TMEM26: variants seen among roughly 807,000 people sequenced by gnomAD.
TMEM26 encodes the protein transmembrane protein 26.
Under a neutral mutation model 28.8 loss-of-function variants are expected in TMEM26, and 38 were observed. The ratio of observed to expected loss-of-function variants is 1.32; its 90% confidence interval spans 1.02 to 1.73. The LOEUF (loss-of-function observed/expected upper bound fraction) is 1.73. Ranked by LOEUF, TMEM26 falls within the 40% of genes most tolerant of loss-of-function variation. The probability of loss-of-function intolerance (pLI) is 0.00; values close to 1 mark genes in which losing one functional copy is unlikely to be tolerated. For missense variants in TMEM26, 518 were observed against 447.1 expected (o/e 1.16, Z -1.43); for synonymous variants, 227 against 182.9 (o/e 1.24, Z -1.95).
Position 61,410,274 on chromosome 10 carries a change from A to C in TMEM26, c.*48T>G. The C allele has an allele frequency of 6.6e-7, 1 of 1,517,092 alleles. No homozygotes were observed. The allele number at this position is 1,517,092 out of a possible 1,614,324, so 94.0% of individuals were successfully genotyped here. ...GGAGAAAAAGGATCCTCCCTGTAAG[A>C]AGAACCAGGGAGTCAGGTTCTAGCC... On this transcript the variant is annotated 3_prime_UTR_variant, in exon 6 of 6. Coordinates refer to ENST00000399298, the MANE Select transcript of TMEM26 (RefSeq NM_178505.8).
In TMEM26 at chr10:61,406,958, C is replaced by G. The variant is rs1197856003; in HGVS notation, c.*3364G>C. The stretch of plus-strand genomic sequence containing the variant: ...ATGTCCTCTAAGTAAAAAGCCAAGT[C>G]TGAAATTAGAAAAAAAAAAAATCCC... On this transcript the variant is annotated 3_prime_UTR_variant, in exon 6 of 6. Transcript: ENST00000399298. 2.6e-5 allele frequency: 4 copies of G among 151,194 alleles called. No individual in the cohort carries two copies. The highest frequency in any genetic ancestry group is 5.9e-5 in the Non-Finnish European group (4 of 67,838). 9.4% of individuals were successfully genotyped at this position (151,194 alleles called of 1,614,324 possible).
In TMEM26 at chr10:61,452,965, A is replaced by G. The variant is rs1452974274; in HGVS notation, c.117T>C (p.Leu39=). 3.1e-6 allele frequency: 5 copies of G among 1,613,922 alleles called. No homozygotes were observed. In the African/African-American group the frequency reaches 6.7e-5, roughly 22 times the overall value. ...EVKKEPRYWL[L]ALLNLLLFLE... is the part of the protein sequence containing the mutation. ...GGAAGAGCAAGAGGTTGAGCAGCGC[A>G]AGCAGCCAGTACCGCGGCTCCTTCT... The change falls in exon 1 of 6, where the codon CTT becomes CTC. Residue 39 remains leucine, a synonymous_variant. Transcript: ENST00000399298.
At chr10:61,433,578 C>T (rs935991800) in intron 2 of TMEM26, among the ~76,000 whole-genome samples, 4 of 152,028 alleles carry the variant, frequency 2.6e-5, no homozygotes, top group African/African-American at 9.7e-5. Context: ...TTGTCATAAA[C>T]GTTTTGTTCC....
intron 4 of TMEM26, chr10:61,414,227 A>T: frequency 4.4e-6 from 1 of 226,304 alleles, no homozygotes; most frequent in Non-Finnish European, 7.4e-6. Context: ...ACCTAGGAAA[A>T]TGGTCATGAA....
At chr10:61,431,384 G>T in intron 2 of TMEM26, 52 bp from the exon 3 acceptor site, 3 of 1,294,016 alleles carry the variant, frequency 2.3e-6, no homozygotes, top group Non-Finnish European at 2.2e-6. Context: ...GCACAATATG[G>T]TAGAGATCAA....
intron 2 of TMEM26, among the ~76,000 whole-genome samples, chr10:61,431,689 A>G (rs1440411565): frequency 1.3e-5 from 2 of 151,858 alleles, no homozygotes; most frequent in Non-Finnish European, 2.9e-5. Flanking sequence ...TCAAACATAT[A>G]TGATCCTGGT....
intron 5 of TMEM26, among the ~76,000 whole-genome samples, chr10:61,411,823 G>A (rs79019488): frequency 1.3e-5 from 2 of 152,124 alleles, no homozygotes; most frequent in East Asian, 1.9e-4. Context: ...GAATGCCTTC[G>A]TCTACTGGAG....
At chr10:61,432,647 T>A (rs560238253) in intron 2 of TMEM26, among the ~76,000 whole-genome samples, 8 of 139,336 alleles carry the variant, frequency 5.7e-5, no homozygotes, top group Non-Finnish European at 1.1e-4. Flanking sequence ...TAGAGAGGAC[T>A]TATTTTTTTA....
intron 4 of TMEM26, among the ~76,000 whole-genome samples, chr10:61,428,287 A>T (rs974339832): frequency 6.6e-6 from 1 of 152,130 alleles, no homozygotes. Flanking sequence ...GTGATCATGG[A>T]TTCTGAGTTT....
chr10:61,429,963 C>T (rs1839894292), intron 3 of TMEM26, among the ~76,000 whole-genome samples: 1 of 152,066 alleles, frequency 6.6e-6, no homozygotes, highest in Non-Finnish European at 1.5e-5. Context: ...TACCCCTCTC[C>T]ATCACTTGCT....
chr10:61,421,488 T>G (rs557780236), intron 4 of TMEM26, among the ~76,000 whole-genome samples: 1 of 152,230 alleles, frequency 6.6e-6, no homozygotes, highest in South Asian at 2.1e-4. Context: ...TCTTGGTAGA[T>G]GTAACCAAGT....
chr10:61,412,869 A>T (rs749900443), intron 5 of TMEM26: 52 of 1,165,840 alleles, frequency 4.5e-5, no homozygotes, highest in Non-Finnish European at 8.0e-6. Flanking sequence ...AATGCCTGGG[A>T]AACAGATTAC....
chr10:61,418,809 T>C (rs1310545864), intron 4 of TMEM26, among the ~76,000 whole-genome samples: 1 of 152,068 alleles, frequency 6.6e-6, no homozygotes, highest in East Asian at 1.9e-4. Context: ...GCTAGATGAG[T>C]ACTCCTGTAG....
chr10:61,444,320 A>G (rs937796184), intron 1 of TMEM26, among the ~76,000 whole-genome samples: 1 of 152,194 alleles, frequency 6.6e-6, no homozygotes, highest in Non-Finnish European at 1.5e-5. Context: ...GCTGCCGACT[A>G]CAGGAACTTT....
At position 61,453,045 on chromosome 10, in the gene TMEM26, G is replaced by C. The variant is rs748762009; in HGVS notation, c.37C>G (p.Arg13Gly). ...AGCGAGTGCAGCAGGAACAGCAACCGAGTGGCCAGGGCGTTAAGGAAGACC... is the reference window on the plus strand; with the variant it reads ...AGCGAGTGCAGCAGGAACAGCAACCCAGTGGCCAGGGCGTTAAGGAAGACC... Reference protein sequence around the residue: ...GLVFLNALATRLLFLLHSLVG... With the variant: ...GLVFLNALATGLLFLLHSLVG... The change falls in exon 1 of 6, where the codon CGG (arginine) becomes GGG (glycine). Residue 13 changes from arginine to glycine, a missense_variant. Physicochemically the swap from Arg to Gly is moderately radical, Grantham distance 125. Transcript: ENST00000399298. The C allele has an allele frequency of 6.2e-7, 1 of 1,613,672 alleles. No individual in the cohort carries two copies. Among genetic ancestry groups the C allele is most frequent in the South Asian group, 1.1e-5 (1 of 91,080 alleles).
chr10:61,412,957 T>A (rs1247917624), intron 5 of TMEM26: 1 of 1,291,954 alleles, frequency 7.7e-7, no homozygotes, highest in South Asian at 1.3e-5. Flanking sequence ...ATGAGGACAA[T>A]TTTAACTGCT....
At chr10:61,450,026 C>T (rs1840250405) in intron 1 of TMEM26, among the ~76,000 whole-genome samples, 1 of 152,076 alleles carries the variant, frequency 6.6e-6, no homozygotes, top group Non-Finnish European at 1.5e-5. Context: ...GAATATTTCA[C>T]AATTCTTAAC....
rs1458411454 is a variant in TMEM26, at chr10:61,431,123, A to G, written c.384+96T>C. 15 of 950,096 alleles carry G rather than the reference A, an allele frequency of 1.6e-5. No homozygotes were observed. In the Admixed American group the frequency reaches 3.4e-4, roughly 21 times the overall value. 58.9% of individuals were successfully genotyped at this position (950,096 alleles called of 1,614,324 possible). A position where few individuals can be genotyped will look rare whatever the true frequency, so the allele number is the denominator to read the frequency against. On this transcript the variant is annotated intron_variant, in intron 3 of 5. Coordinates refer to ENST00000399298, the MANE Select transcript of TMEM26 (RefSeq NM_178505.8). Reference sequence around the variant, plus strand: ...AAACAATGGATAACTTTCTTCAGGAAAGAATTAGCTGGGAAGCATGTATAG... The same window carrying G: ...AAACAATGGATAACTTTCTTCAGGAGAGAATTAGCTGGGAAGCATGTATAG...
chr10:61,439,640 TG>T (rs1840060537), intron 1 of TMEM26, among the ~76,000 whole-genome samples: 1 of 152,226 alleles, frequency 6.6e-6, no homozygotes, highest in Admixed American at 6.5e-5. Flanking sequence ...TTCCATGCAC[TG>T]ATCTTTGGAA....
Sources: gnomAD v4.1 joint callset for allele counts (sites outside exome capture counted in the v4.1 genomes callset) on GRCh38, gnomAD v4.1.1 for gene constraint, MANE v1.5 for transcripts, NCBI Gene and HGNC (gene_info 2026-07-23, HGNC 2026-07-21) for gene names.